CCDC179: variants seen among roughly 807,000 people sequenced by gnomAD.
CCDC179 encodes coiled-coil domain containing 179.
Under a neutral mutation model 12.0 loss-of-function variants are expected in CCDC179, and 17 were observed. The ratio of observed to expected loss-of-function variants is 1.42; its 90% confidence interval spans 0.97 to 2.13. The LOEUF (loss-of-function observed/expected upper bound fraction) is 2.13, where lower values mean the gene tolerates loss of function less well. Among genes scored for constraint, CCDC179 ranks in the 30% most tolerant of loss-of-function variants. The probability of loss-of-function intolerance (pLI) is 0.00; values close to 1 mark genes in which losing one functional copy is unlikely to be tolerated. For synonymous variants in CCDC179, 27 were observed against 26.4 expected (o/e 1.02, Z -0.07); for missense variants, 83 against 78.6 (o/e 1.06, Z -0.21).
chr11:22,854,425 A>G (rs1315119262), intron 3 of CCDC179, among the ~76,000 whole-genome samples: 2 of 151,850 alleles, frequency 1.3e-5, no homozygotes, highest in East Asian at 1.9e-4. Context: ...GAAGAATAAG[A>G]AAAGGGGAAT....
rs1858370024 is a variant in CCDC179, at chr11:22,850,959, TATA to T, written c.196-3441_196-3439del. 9.2e-4 allele frequency among the ~76,000 whole-genome samples: 12 copies of T among 13,050 alleles called. 1 individual carries two copies. Among genetic ancestry groups the T allele is most frequent in the East Asian group, 2.3e-3 (1 of 444 alleles). 8.6% of individuals were successfully genotyped at this position (13,050 alleles called of 152,430 possible). The stretch of plus-strand genomic sequence containing the variant: ...CATAGGCTATATATATATATATATA[TATA>T]TATATATATATATATTTTTTTTTTT... On this transcript the variant is annotated intron_variant, in intron 3 of 3. Coordinates refer to ENST00000532798, the MANE Select transcript of CCDC179 (RefSeq NM_001195637.2).
At chr11:22,853,661 AGAAG>A (rs1174552431) in intron 3 of CCDC179, among the ~76,000 whole-genome samples, 4 of 145,256 alleles carry the variant, frequency 2.8e-5, no homozygotes, top group Non-Finnish European at 4.5e-5. Context: ...GGAAAAAAAA[AGAAG>A]GAAGGAGGAG....
At chr11:22,856,243 T>C (rs1858526914) in intron 3 of CCDC179, among the ~76,000 whole-genome samples, 1 of 151,532 alleles carries the variant, frequency 6.6e-6, no homozygotes, top group African/African-American at 2.4e-5. Context: ...CCAATACCTC[T>C]CATGAACATA....
At chr11:22,850,940 CTATATA>C (rs1180035208) in intron 3 of CCDC179, among the ~76,000 whole-genome samples, 343 of 16,482 alleles carry the variant, frequency 0.021, 22 homozygotes, top group East Asian at 0.028. Context: ...GTTGCATAGG[CTATATA>C]TATATATATA....
At chr11:22,860,227 GTC>G in intron 1 of CCDC179, 148 bp downstream of exon 1, 2 of 818,678 alleles carry the variant, frequency 2.4e-6, no homozygotes, top group East Asian at 5.7e-5. Flanking sequence ...TCAGGATGTA[GTC>G]TGTCTACATC....
chr11:22,847,390 C>T lies in CCDC179; in HGVS notation c.*120G>A, dbSNP rs55977054. 7.8e-4 allele frequency: 434 copies of T among 558,934 alleles called. 1 individual carries two copies. Among genetic ancestry groups the T allele is most frequent in the African/African-American group, 5.8e-3 (298 of 51,088 alleles). 34.6% of individuals were successfully genotyped at this position (558,934 alleles called of 1,614,324 possible). On this transcript the variant is annotated 3_prime_UTR_variant, in exon 4 of 4. Coordinates refer to ENST00000532798, the MANE Select transcript of CCDC179 (RefSeq NM_001195637.2). ...AATACTTGCACTGTGTTTATTTTTC[C>T]GAAATGGTGGAGTATTGCATTTATT...
intron 3 of CCDC179, among the ~76,000 whole-genome samples, chr11:22,848,304 C>T (rs376400045): frequency 4.6e-5 from 7 of 152,038 alleles, no homozygotes; most frequent in Admixed American, 1.3e-4. Flanking sequence ...ATTAGCTAGG[C>T]GTGGTGGCAC....
At chr11:22,852,226 A>C (rs1202734266) in intron 3 of CCDC179, among the ~76,000 whole-genome samples, 1 of 152,202 alleles carries the variant, frequency 6.6e-6, no homozygotes, top group Admixed American at 6.5e-5. Context: ...TGTTCTAACC[A>C]ACTCCATCTT....
intron 3 of CCDC179, among the ~76,000 whole-genome samples, chr11:22,854,248 G>A (rs569218202): frequency 2.6e-5 from 4 of 151,572 alleles, no homozygotes; most frequent in South Asian, 2.1e-4. Flanking sequence ...AAACTTGGAC[G>A]TACTTAAAGG....
At position 22,847,418 on chromosome 11, in the gene CCDC179, G is replaced by A. The variant is rs1858248124; in HGVS notation, c.*92C>T. The A allele has an allele frequency of 2.3e-5, 17 of 733,038 alleles. No homozygotes were observed. In the South Asian group the frequency reaches 3.9e-4, roughly 17 times the overall value. 45.4% of individuals were successfully genotyped at this position (733,038 alleles called of 1,614,324 possible). ...AATGGTGGAGTATTGCATTTATTTT[G>A]TGGATGATCAATTCATGATATGTCA... is the stretch of plus-strand genomic sequence containing the variant. On this transcript the variant is annotated 3_prime_UTR_variant, in exon 4 of 4. Transcript: ENST00000532798.
intron 3 of CCDC179, among the ~76,000 whole-genome samples, chr11:22,856,187 A>G (rs1285057322): frequency 6.6e-6 from 1 of 151,482 alleles, no homozygotes; most frequent in Non-Finnish European, 1.5e-5. Flanking sequence ...GCATTACCCT[A>G]ATACCAAAAC....
At chr11:22,849,414 A>G (rs1332920922) in intron 3 of CCDC179, among the ~76,000 whole-genome samples, 2 of 152,192 alleles carry the variant, frequency 1.3e-5, no homozygotes. Context: ...TGCAACCTCA[A>G]ACCAGTTGGT....
rs1858635419 is a variant in CCDC179 at position 22,860,438 on chromosome 11, G to T, written c.-17C>A. The T allele has an allele frequency of 6.5e-7, 1 of 1,533,412 alleles. No homozygotes were observed. The highest frequency in any genetic ancestry group is 8.7e-7 in the Non-Finnish European group (1 of 1,145,612). The allele number at this position is 1,533,412 out of a possible 1,614,324, so 95.0% of individuals were successfully genotyped here. On this transcript the variant is annotated 5_prime_UTR_variant, in exon 1 of 4. Transcript: ENST00000532798. ...CAGGCACATGCCGTGGAGCCTTAGGGCGCCCCCTGACGCCTACTGCCTGTC... is the reference window on the plus strand; with the variant it reads ...CAGGCACATGCCGTGGAGCCTTAGGTCGCCCCCTGACGCCTACTGCCTGTC...
At chr11:22,851,032 C>T (rs1210764731) in intron 3 of CCDC179, among the ~76,000 whole-genome samples, 1 of 116,576 alleles carries the variant, frequency 8.6e-6, no homozygotes, top group African/African-American at 3.3e-5. Context: ...GTCACCCAGG[C>T]TGGAGTGCAG....
chr11:22,853,582 G>A (rs964852912), intron 3 of CCDC179, among the ~76,000 whole-genome samples: 2 of 150,134 alleles, frequency 1.3e-5, no homozygotes, highest in South Asian at 2.1e-4. Context: ...GGAGAAAAAA[G>A]TATAAAAATA....
chr11:22,848,379 G>A (rs561699266), intron 3 of CCDC179, among the ~76,000 whole-genome samples: 3 of 152,150 alleles, frequency 2.0e-5, no homozygotes, highest in African/African-American at 7.2e-5. Context: ...GGGAGGCGGA[G>A]GTTGCAGTGA....
intron 3 of CCDC179, among the ~76,000 whole-genome samples, chr11:22,853,693 G>A (rs533869588): frequency 7.9e-5 from 12 of 151,488 alleles, no homozygotes; most frequent in African/African-American, 2.4e-4. Flanking sequence ...GGAAAAGGAT[G>A]AAGAGGAAGA....
chr11:22,851,655 A>G (rs1379768056), intron 3 of CCDC179, among the ~76,000 whole-genome samples: 1 of 152,250 alleles, frequency 6.6e-6, no homozygotes, highest in East Asian at 1.9e-4. Context: ...GTGAGGGCAC[A>G]GGGCAAGCTG....
intron 2 of CCDC179, 118 bp from the exon 3 acceptor site, chr11:22,858,144 G>T (rs1858570916): frequency 1.8e-6 from 1 of 563,744 alleles, no homozygotes; most frequent in East Asian, 3.1e-5. Flanking sequence ...ACTGCAAACG[G>T]TTCACATAAC....
Sources: allele counts gnomAD v4.1 joint callset (sites outside exome capture counted in the v4.1 genomes callset), GRCh38; gene constraint gnomAD v4.1.1; transcripts MANE v1.5; gene names NCBI Gene and HGNC (gene_info 2026-07-23, HGNC 2026-07-21).